The following SUN2 variants were observed in gnomAD, a reference collection of about 807,000 sequenced individuals.
SUN2 encodes the protein SUN domain-containing protein 2.
Under a neutral mutation model 100.0 loss-of-function variants are expected in SUN2, and 60 were observed. The observed-to-expected ratio is 0.60, with a 90% CI of 0.49 to 0.74. The LOEUF is 0.74. Ranked by LOEUF, SUN2 falls within the 30% of genes least tolerant of loss-of-function variation. The pLI, the probability that SUN2 is intolerant of heterozygous loss-of-function variation, is 0.00. For missense variants in SUN2, 834 were observed against 954.6 expected (o/e 0.87, Z 1.66); for synonymous variants, 367 against 403.3 (o/e 0.91, Z 1.08).
At chr22:38,749,946 A>G (rs978638738) in intron 5 of SUN2, 87 bp from the exon 6 acceptor site, 2 of 1,235,874 alleles carry the variant, frequency 1.6e-6, no homozygotes, top group Non-Finnish European at 2.2e-6. Context: ...CCCTGCCCCT[A>G]CCCCACCCCC....
At chr22:38,754,555 G>A (rs1166484072) in intron 1 of SUN2, 1 of 1,066,076 alleles carries the variant, frequency 9.4e-7, no homozygotes, top group South Asian at 1.3e-5. Context: ...GGAAAAGCAG[G>A]AAGTTGGCCT....
intron 4 of SUN2, 54 bp downstream of exon 4, chr22:38,750,844 C>T (rs1160493344): frequency 6.2e-7 from 1 of 1,604,604 alleles, no homozygotes; most frequent in Non-Finnish European, 8.5e-7. Context: ...CCCAGCCTTC[C>T]TGAGGCCTCC....
At chr22:38,754,987 G>T in intron 1 of SUN2, 2 of 1,287,512 alleles carry the variant, frequency 1.6e-6, no homozygotes, top group Admixed American at 2.3e-5. Flanking sequence ...ATCTACTACT[G>T]CGAATCATAA....
Position 38,755,046 on chromosome 22 carries a change from G to C in SUN2, c.-38+717C>G, listed in dbSNP as rs1360354538. The stretch of plus-strand genomic sequence containing the variant: ...CCTCCCTAACAATCAGTTAGGAAAC[G>C]CTCATCGGAAAGCATCCTTCCCCAC... On this transcript the variant is annotated intron_variant, in intron 1 of 17. Transcript: ENST00000689035. The surrounding 1 kb of genome is among the most constrained non-coding windows in gnomAD (Gnocchi z 5.7). 6 of 1,096,200 alleles carry C rather than the reference G, an allele frequency of 5.5e-6. No homozygotes were observed. The highest frequency in any genetic ancestry group is 7.1e-6 in the Non-Finnish European group (6 of 848,850). 67.9% of individuals were successfully genotyped at this position (1,096,200 alleles called of 1,614,324 possible). A position where few individuals can be genotyped will look rare whatever the true frequency, so the allele number is the denominator to read the frequency against.
chr22:38,738,162 G>T lies in SUN2; in HGVS notation c.2040+11C>A. The T allele has an allele frequency of 6.2e-7, 1 of 1,613,232 alleles. No individual in the cohort carries two copies. The highest frequency in any genetic ancestry group is 8.5e-7 in the Non-Finnish European group (1 of 1,179,332). ...CTGCGCCACTTCTGCTAGCACAGCA[G>T]CATCCCGTACCTGAAAGTGAAACGT... On this transcript the variant is annotated intron_variant, in intron 17 of 17. Coordinates refer to ENST00000689035, the MANE Select transcript of SUN2 (RefSeq NM_015374.3). The surrounding 1 kb of genome is among the most constrained non-coding windows in gnomAD (Gnocchi z 6.6).
intron 7 of SUN2, 143 bp from the exon 8 acceptor site, chr22:38,745,954 G>T: frequency 7.7e-7 from 1 of 1,291,042 alleles, no homozygotes; most frequent in Non-Finnish European, 1.0e-6. Context: ...TCAGAGGGAT[G>T]CAGGTGCCCC....
chr22:38,755,015 C>G lies in SUN2; in HGVS notation c.-38+748G>C. ...AATCATAATAGACACCACCCCCGCC[C>G]CACCTCCTCCCTAACAATCAGTTAG... On this transcript the variant is annotated intron_variant, in intron 1 of 17. Transcript: ENST00000689035. The surrounding 1 kb of genome is among the most constrained non-coding windows in gnomAD (Gnocchi z 5.7). The G allele has an allele frequency of 5.6e-6, 7 of 1,242,908 alleles. No individual in the cohort carries two copies. Among genetic ancestry groups the G allele is most frequent in the Non-Finnish European group, 7.4e-6 (7 of 951,826 alleles). The allele number at this position is 1,242,908 out of a possible 1,614,324, so 77.0% of individuals were successfully genotyped here.
intron 4 of SUN2, 33 bp downstream of exon 4, chr22:38,750,865 G>A (rs773302320): frequency 9.9e-6 from 16 of 1,610,888 alleles, no homozygotes; most frequent in Non-Finnish European, 1.2e-5. Flanking sequence ...CAGCAGCCTC[G>A]GATCTGCTCA....
At position 38,755,456 on chromosome 22, in the gene SUN2, A is replaced by C; in HGVS notation, c.-38+307T>G. On this transcript the variant is annotated intron_variant, in intron 1 of 17. Coordinates refer to ENST00000689035, the MANE Select transcript of SUN2 (RefSeq NM_015374.3). This position sits in a 1 kb window ranked among gnomAD's most constrained non-coding sequence, Gnocchi z 5.7. ...ACGGCCTGTCTGGCACAAAACCCGT[A>C]GGCGCTGCCCGGGGCCGGGTTGGGG... The C allele has an allele frequency of 1.0e-6, 1 of 990,490 alleles. No homozygotes were observed. The highest frequency in any genetic ancestry group is 1.2e-6 in the Non-Finnish European group (1 of 832,440). 61.4% of individuals were successfully genotyped at this position (990,490 alleles called of 1,614,324 possible). A position where few individuals can be genotyped will look rare whatever the true frequency, so the allele number is the denominator to read the frequency against.
Position 38,742,100 on chromosome 22 carries a change from G to A in SUN2, c.1068+201C>T, listed in dbSNP as rs573077912. ...ACAGGTTGTAGTGAGTCGAGATCACGCCACTGCACTCCAGGCTGGGTGACA... is the reference window on the plus strand; with the variant it reads ...ACAGGTTGTAGTGAGTCGAGATCACACCACTGCACTCCAGGCTGGGTGACA... On this transcript the variant is annotated intron_variant, in intron 9 of 17. Coordinates refer to ENST00000689035, the MANE Select transcript of SUN2 (RefSeq NM_015374.3). Among the ~76,000 whole-genome samples, 26 of 151,568 alleles carry A rather than the reference G, an allele frequency of 1.7e-4. No homozygotes were observed. In the East Asian group the frequency reaches 4.1e-3, roughly 24 times the overall value.
At chr22:38,742,636 C>T in intron 8 of SUN2, 81 bp from the exon 9 acceptor site, 3 of 1,493,458 alleles carry the variant, frequency 2.0e-6, no homozygotes, top group Non-Finnish European at 2.7e-6. Flanking sequence ...ACACAGCCAA[C>T]ACAGAAAGAA....
At position 38,735,675 on chromosome 22, in the gene SUN2, G is replaced by C. The variant is rs1416393164; in HGVS notation, c.*592C>G. On this transcript the variant is annotated 3_prime_UTR_variant, in exon 18 of 18. Coordinates refer to ENST00000689035, the MANE Select transcript of SUN2 (RefSeq NM_015374.3). ...CATGGCCCACTGCTACCCTCCCCGG[G>C]ACAAATACACACTTTTGTCGAAGGC... 1 of 167,382 alleles carries C rather than the reference G, an allele frequency of 6.0e-6. No homozygotes were observed. Among genetic ancestry groups the C allele is most frequent in the Non-Finnish European group, 1.3e-5 (1 of 76,384 alleles). 10.4% of individuals were successfully genotyped at this position (167,382 alleles called of 1,614,324 possible). A position where few individuals can be genotyped will look rare whatever the true frequency, so the allele number is the denominator to read the frequency against.
chr22:38,755,616 C>G lies in SUN2; in HGVS notation c.-38+147G>C. On this transcript the variant is annotated intron_variant, in intron 1 of 17. Coordinates refer to ENST00000689035, the MANE Select transcript of SUN2 (RefSeq NM_015374.3). The surrounding 1 kb of genome is among the most constrained non-coding windows in gnomAD (Gnocchi z 5.7). ...GTGAGTCAGGGCGCGGGCCGCGGACCCGGGTGGAGGCTGGATCCGGCCCAG... is the reference window on the plus strand; with the variant it reads ...GTGAGTCAGGGCGCGGGCCGCGGACGCGGGTGGAGGCTGGATCCGGCCCAG... The G allele has an allele frequency of 2.1e-6, 2 of 944,428 alleles. No individual in the cohort carries two copies. The highest frequency in any genetic ancestry group is 2.5e-6 in the Non-Finnish European group (2 of 792,466). 58.5% of individuals were successfully genotyped at this position (944,428 alleles called of 1,614,324 possible). A position where few individuals can be genotyped will look rare whatever the true frequency, so the allele number is the denominator to read the frequency against.
chr22:38,745,864 G>A lies in SUN2; in HGVS notation c.686-53C>T, dbSNP rs781145890. ...CAGCTGGGCCTCCAGCAAGAGGCGC[G>A]CGCCAGGGAGGATGGCTACCTGATC... is the stretch of plus-strand genomic sequence containing the variant. On this transcript the variant is annotated intron_variant, in intron 7 of 17. Coordinates refer to ENST00000689035, the MANE Select transcript of SUN2 (RefSeq NM_015374.3). 535 of 1,591,810 alleles carry A rather than the reference G, an allele frequency of 3.4e-4. 1 individual carries two copies. The highest frequency in any genetic ancestry group is 4.1e-4 in the Non-Finnish European group (483 of 1,168,430).
At position 38,735,291 on chromosome 22, in the gene SUN2, G is replaced by C. The variant is rs567591210; in HGVS notation, c.*976C>G. 1.3e-5 allele frequency: 6 copies of C among 453,618 alleles called. No homozygotes were observed. Among genetic ancestry groups the C allele is most frequent in the African/African-American group, 1.2e-4 (6 of 49,796 alleles). 28.1% of individuals were successfully genotyped at this position (453,618 alleles called of 1,614,324 possible). A position where few individuals can be genotyped will look rare whatever the true frequency, so the allele number is the denominator to read the frequency against. On this transcript the variant is annotated 3_prime_UTR_variant, in exon 18 of 18. Transcript: ENST00000689035. ...GCCCAAGGGGGCAGCCTGAGCGGAC[G>C]ACCCCTACATCAGGGCCTGGTTAGA...
intron 1 of SUN2, among the ~76,000 whole-genome samples, chr22:38,753,796 C>T (rs2092965968): frequency 6.6e-6 from 1 of 152,142 alleles, no homozygotes; most frequent in African/African-American, 2.4e-5. Flanking sequence ...TCCACAGTCC[C>T]CAGCCTGTAA....
chr22:38,751,025 C>T lies in SUN2; in HGVS notation c.297G>A (p.Leu99=). ...CCGTGCCTCTCCTCCTCCGCACCCG[C>T]AGGTCCTCACCTGTGCAGGGAAGAA... ...LHGDANWGED[L]RVRRRRGTGG... The change falls in exon 4 of 18, where the codon CTG becomes CTA. Residue 99 remains leucine, a synonymous_variant. Transcript: ENST00000689035. The T allele has an allele frequency of 1.2e-6, 2 of 1,613,174 alleles. No homozygotes were observed. Among genetic ancestry groups the T allele is most frequent in the Middle Eastern group, 1.7e-4 (1 of 6,048 alleles).
chr22:38,739,358 G>A lies in SUN2; in HGVS notation c.1647C>T (p.Tyr549=), dbSNP rs140661422. 1.3e-4 allele frequency: 209 copies of A among 1,613,104 alleles called. No individual in the cohort carries two copies. In the African/African-American group the frequency reaches 2.1e-3, roughly 16 times the overall value. The change falls in exon 14 of 18, where the codon TAC becomes TAT. Residue 549 remains tyrosine (Y), a synonymous_variant. Transcript: ENST00000689035. The surrounding 1 kb of genome is among the most constrained non-coding windows in gnomAD (Gnocchi z 6.7). ...AGCACGTACCTCCTGACTCCAGGGC[G>A]TAGTCTGCCAGCCCGATGCGGTCCT... ...YSEDRIGLAD[Y]ALESGGASVI...
At chr22:38,751,461 C>T in intron 2 of SUN2, 88 bp from the exon 3 acceptor site, 1 of 1,489,130 alleles carries the variant, frequency 6.7e-7, no homozygotes, top group Admixed American at 2.0e-5. Flanking sequence ...TGCGGCCCTG[C>T]CTAGTGCAGG....
Sources: allele counts gnomAD v4.1 joint callset (sites outside exome capture counted in the v4.1 genomes callset), GRCh38; gene constraint gnomAD v4.1.1; non-coding constraint Gnocchi (gnomAD v3.1); transcripts MANE v1.5; gene names NCBI Gene and HGNC (gene_info 2026-07-23, HGNC 2026-07-21).